POT1: variants seen among roughly 807,000 people sequenced by gnomAD.
POT1 encodes the protein protection of telomeres 1, also known as protection of telomeres protein 1.
POT1 carries 47 observed loss-of-function variants against 78.5 expected under a neutral mutation model. The observed-to-expected ratio is 0.60, with a 90% confidence interval of 0.47 to 0.76. The LOEUF (loss-of-function observed/expected upper bound fraction) is 0.76. Among genes scored for constraint, POT1 ranks in the 30% least tolerant of loss-of-function variants. The probability of loss-of-function intolerance (pLI) is 0.00; values close to 1 mark genes in which losing one functional copy is unlikely to be tolerated. For synonymous variants in POT1, 259 were observed against 260.7 expected (o/e 0.99, Z 0.06); for missense variants, 646 against 749.9 (o/e 0.86, Z 1.62).
rs547644621 is a variant in POT1, at chr7:124,905,293, A to G, written c.-153-6919T>C. On this transcript the variant is annotated intron_variant, in intron 3 of 18. Transcript: ENST00000357628. The stretch of plus-strand genomic sequence containing the variant: ...GGTACCAAAACAGAGATATAGACCA[A>G]TGGAACAGAACAGAGCCCTCAGAAA... Among the ~76,000 whole-genome samples the G allele has an allele frequency of 2.6e-3, 403 of 152,314 alleles. 1 individual carries two copies. Among genetic ancestry groups the G allele is most frequent in the Non-Finnish European group, 3.8e-3 (261 of 68,024 alleles).
intron 16 of POT1, among the ~76,000 whole-genome samples, chr7:124,828,448 C>T (rs1388281386): frequency 6.6e-6 from 1 of 152,176 alleles, no homozygotes; most frequent in African/African-American, 2.4e-5. Flanking sequence ...ATCTGTGGAA[C>T]CCATATTTAA....
chr7:124,828,896 CAGGTAAAT>C, intron 16 of POT1: 1 of 543,404 alleles, frequency 1.8e-6, no homozygotes, highest in Admixed American at 1.9e-5. Context: ...TGTCCAGTTT[CAGGTAAAT>C]AATAATTTCA....
intron 7 of POT1, among the ~76,000 whole-genome samples, chr7:124,863,932 ACATT>A (rs1013960798): frequency 9.9e-5 from 15 of 152,238 alleles, no homozygotes; most frequent in Admixed American, 9.2e-4. Context: ...TTGCAGTTTT[ACATT>A]TATTAGTTTT....
intron 14 of POT1, chr7:124,840,587 A>G (rs1795002994): frequency 6.5e-6 from 1 of 153,472 alleles, no homozygotes; most frequent in Non-Finnish European, 1.5e-5. Flanking sequence ...TTGATACAAT[A>G]GATGACTTTC....
At chr7:124,871,331 A>G (rs1795862501) in intron 6 of POT1, among the ~76,000 whole-genome samples, 1 of 152,132 alleles carries the variant, frequency 6.6e-6, no homozygotes. Flanking sequence ...CAAGGTTTAC[A>G]AATCATGAAA....
intron 18 of POT1, among the ~76,000 whole-genome samples, chr7:124,824,803 GAAA>G (rs1794589961): frequency 6.6e-6 from 1 of 151,950 alleles, no homozygotes; most frequent in Non-Finnish European, 1.5e-5. Context: ...TGTTTATGCA[GAAA>G]ACAAAGCTCA....
At chr7:124,904,666 A>G (rs1563015409) in intron 3 of POT1, among the ~76,000 whole-genome samples, 1 of 152,200 alleles carries the variant, frequency 6.6e-6, no homozygotes, top group Non-Finnish European at 1.5e-5. Flanking sequence ...CAGGAGAAAG[A>G]AATAAAGGGT....
intron 6 of POT1, among the ~76,000 whole-genome samples, chr7:124,884,665 AC>A (rs1452856063): frequency 1.3e-5 from 2 of 152,120 alleles, no homozygotes; most frequent in Non-Finnish European, 2.9e-5. Flanking sequence ...GGAGAGGCAA[AC>A]AATGAATATT....
chr7:124,922,465 C>A (rs1349228750), intron 2 of POT1, among the ~76,000 whole-genome samples: 2 of 151,756 alleles, frequency 1.3e-5, no homozygotes, highest in Non-Finnish European at 2.9e-5. Flanking sequence ...GTTCAATGAA[C>A]AGGGGAGTGA....
intron 3 of POT1, among the ~76,000 whole-genome samples, chr7:124,911,349 C>G (rs773444249): frequency 3.3e-5 from 5 of 152,234 alleles, no homozygotes; most frequent in Admixed American, 6.6e-5. Flanking sequence ...TGTGCACTCA[C>G]GCTTTTTTCT....
chr7:124,904,037 C>CAA (rs1031215255), intron 3 of POT1, among the ~76,000 whole-genome samples: 1 of 151,982 alleles, frequency 6.6e-6, no homozygotes, highest in Non-Finnish European at 1.5e-5. Context: ...GCCTAACAAC[C>CAA]AAAAAAAGTC....
intron 9 of POT1, among the ~76,000 whole-genome samples, chr7:124,855,470 T>C (rs568693724): frequency 7.2e-5 from 11 of 151,960 alleles, no homozygotes; most frequent in Non-Finnish European, 1.3e-4. Context: ...AAATTCCTTA[T>C]GGAGGCAGCA....
At chr7:124,908,257 G>C (rs1036142101) in intron 3 of POT1, among the ~76,000 whole-genome samples, 2 of 151,978 alleles carry the variant, frequency 1.3e-5, no homozygotes, top group Non-Finnish European at 2.9e-5. Flanking sequence ...ATAGTGCAGT[G>C]ATTGACAGAA....
At position 124,888,030 on chromosome 7, in the gene POT1, A is replaced by G. The variant is rs550274744; in HGVS notation, c.124+4236T>C. Among the ~76,000 whole-genome samples, 20 of 152,230 alleles carry G rather than the reference A, an allele frequency of 1.3e-4. No homozygotes were observed. The East Asian group carries it at 3.5e-3, about 26-fold the overall frequency. ...TGTATCAGTTCATATATATGTATATATGTATATAAAATCATGGCCAGGGCC... is the reference window on the plus strand; with the variant it reads ...TGTATCAGTTCATATATATGTATATGTGTATATAAAATCATGGCCAGGGCC... On this transcript the variant is annotated intron_variant, in intron 6 of 18. Coordinates refer to ENST00000357628, the MANE Select transcript of POT1 (RefSeq NM_015450.3).
Position 124,841,066 on chromosome 7 carries a change from T to C in POT1, c.1276A>G (p.Thr426Ala), listed in dbSNP as rs1479258884. The C allele has an allele frequency of 6.2e-7, 1 of 1,612,720 alleles. No homozygotes were observed. The highest frequency in any genetic ancestry group is 8.5e-7 in the Non-Finnish European group (1 of 1,179,000). Reference protein sequence around the residue: ...TSLYDSKIWTTKNQKGRKVAV... With the variant: ...TSLYDSKIWTAKNQKGRKVAV... Reference sequence around the variant, plus strand: ...ACTTTTCGTCCTTTTTGATTTTTAGTGGTCCAGATTTTTGAATCATATAAT... The same window carrying C: ...ACTTTTCGTCCTTTTTGATTTTTAGCGGTCCAGATTTTTGAATCATATAAT... The change falls in exon 14 of 19, where the codon ACT becomes GCT. Residue 426 changes from threonine to alanine, a missense_variant. Physicochemically the swap from Thr to Ala is moderately conservative, Grantham distance 58. Coordinates refer to ENST00000357628, the MANE Select transcript of POT1 (RefSeq NM_015450.3).
chr7:124,835,549 AT>A, intron 14 of POT1, 135 bp from the exon 15 acceptor site: 1 of 978,640 alleles, frequency 1.0e-6, no homozygotes, highest in Non-Finnish European at 1.5e-6. Flanking sequence ...TATGTAAAAA[AT>A]ATTAATTTGT....
At chr7:124,907,685 A>T (rs1796798467) in intron 3 of POT1, among the ~76,000 whole-genome samples, 1 of 152,170 alleles carries the variant, frequency 6.6e-6, no homozygotes, top group Admixed American at 6.6e-5. Flanking sequence ...ATGTCATTGC[A>T]GGTTCACCAA....
intron 2 of POT1, among the ~76,000 whole-genome samples, chr7:124,918,559 T>C (rs1228265672): frequency 6.6e-6 from 1 of 152,146 alleles, no homozygotes; most frequent in Non-Finnish European, 1.5e-5. Context: ...TTACCTACAA[T>C]GGAAGTTATT....
At chr7:124,842,659 A>T (rs1795055502) in intron 13 of POT1, 148 bp downstream of exon 13, 2 of 502,404 alleles carry the variant, frequency 4.0e-6, no homozygotes, top group Non-Finnish European at 3.2e-6. Flanking sequence ...CTAAGAATTT[A>T]GCACTTTACC....
Sources: gnomAD v4.1 joint callset for allele counts (sites outside exome capture counted in the v4.1 genomes callset) on GRCh38, gnomAD v4.1.1 for gene constraint, MANE v1.5 for transcripts, NCBI Gene and HGNC (gene_info 2026-07-23, HGNC 2026-07-21) for gene names.